Variants in NOS1 observed in about 807,000 individuals in gnomAD.
The protein encoded by NOS1 is NOS type I.
NOS1 carries 51 observed loss-of-function variants against 164.5 expected under a neutral mutation model. The observed-to-expected ratio is 0.31, with a 90% CI of 0.25 to 0.39. The LOEUF is 0.39. Ranked by LOEUF, NOS1 falls within the 10% of genes least tolerant of loss-of-function variation. NOS1 has a pLI of 1.00. For missense variants in NOS1, 1,362 were observed against 1,885.6 expected, an observed-to-expected ratio of 0.72 and a Z score of 5.14; for synonymous variants, 719 against 745.8, an observed-to-expected ratio of 0.96 and a Z score of 0.59.
At position 117,272,410 on chromosome 12, in the gene NOS1, T is replaced by C; in HGVS notation, c.1814A>G (p.Asp605Gly). 2 of 1,614,132 alleles carry C rather than the reference T, an allele frequency of 1.2e-6. No homozygotes were observed. Among genetic ancestry groups the C allele is most frequent in the Non-Finnish European group, 1.7e-6 (2 of 1,180,018 alleles). ...CTCCAGGATATTGTAGCGGGAGTTG[T>C]CACAGTAGTCGCGGACACCAATCTC... Reference protein sequence around the residue: ...GTEIGVRDYCDNSRYNILEEV... With the variant: ...GTEIGVRDYCGNSRYNILEEV... The change falls in exon 10 of 29, where the codon GAC becomes GGC. Residue 605 changes from aspartate to glycine, a missense_variant. This residue lies in a region of NOS1 where 134 missense variants were observed against 267.3 expected (regional missense o/e 0.50). Coordinates refer to ENST00000317775, the MANE Select transcript of NOS1 (RefSeq NM_000620.5). The surrounding 1 kb of genome is among the most constrained non-coding windows in gnomAD (Gnocchi z 4.3).
Position 117,276,429 on chromosome 12 carries a change from T to A in NOS1, c.1664+1530A>T, listed in dbSNP as rs902487761. Among the ~76,000 whole-genome samples the A allele has an allele frequency of 5.3e-5, 8 of 152,282 alleles. No homozygotes were observed. The East Asian group carries it at 1.5e-3, about 29-fold the overall frequency. On this transcript the variant is annotated intron_variant, in intron 9 of 28. Coordinates refer to ENST00000317775, the MANE Select transcript of NOS1 (RefSeq NM_000620.5). ...TCCCAAGTAGCTGGGATTACAGGCA[T>A]GTGCCACCATGCCCAGGGAATTTTT...
chr12:117,216,716 C>T (rs552437967), intron 28 of NOS1, among the ~76,000 whole-genome samples: 2 of 151,842 alleles, frequency 1.3e-5, no homozygotes, highest in South Asian at 4.2e-4. Flanking sequence ...TGGGCTCAAG[C>T]AATTCACCCA....
At chr12:117,322,023 T>G (rs1874960786) in intron 2 of NOS1, among the ~76,000 whole-genome samples, 1 of 120,918 alleles carries the variant, frequency 8.3e-6, no homozygotes, top group Non-Finnish European at 1.7e-5. Flanking sequence ...CCTCCCTCTC[T>G]CCTTCCTTTC....
intron 20 of NOS1, among the ~76,000 whole-genome samples, chr12:117,239,363 T>C (rs1022496065): frequency 6.6e-6 from 1 of 152,244 alleles, no homozygotes; most frequent in Non-Finnish European, 1.5e-5. Context: ...AAGTCCTGCA[T>C]TCCCCTCTTG....
At chr12:117,305,839 T>C (rs1479696915) in intron 3 of NOS1, among the ~76,000 whole-genome samples, 1 of 151,290 alleles carries the variant, frequency 6.6e-6, no homozygotes, top group African/African-American at 2.4e-5. Context: ...TTGCCTAGGC[T>C]GGAGTGCAGT....
chr12:117,208,444 C>A lies in NOS1; in HGVS notation c.*6865G>T. Reference sequence around the variant, plus strand: ...TGTGGTGAGATGCGACCAGGTCTGCCCACCTCCCCAGCTTCCCAAGCCCGG... The same window carrying A: ...TGTGGTGAGATGCGACCAGGTCTGCACACCTCCCCAGCTTCCCAAGCCCGG... On this transcript the variant is annotated 3_prime_UTR_variant, in exon 29 of 29. Coordinates refer to ENST00000317775, the MANE Select transcript of NOS1 (RefSeq NM_000620.5). 8.5e-7 allele frequency: 1 copy of A among 1,175,860 alleles called. No individual in the cohort carries two copies. The highest frequency in any genetic ancestry group is 1.1e-6 in the Non-Finnish European group (1 of 934,970). 72.8% of individuals were successfully genotyped at this position (1,175,860 alleles called of 1,614,324 possible). A position where few individuals can be genotyped will look rare whatever the true frequency, so the allele number is the denominator to read the frequency against.
rs33913257 is a variant in NOS1, at chr12:117,295,615, C to CTTT, written c.853-5192_853-5190dup. Among the ~76,000 whole-genome samples, 392 of 105,078 alleles carry CTTT rather than the reference C, an allele frequency of 3.7e-3. 9 individuals carry two copies. The highest frequency in any genetic ancestry group is 5.3e-3 in the Middle Eastern group (1 of 190). The allele number at this position is 105,078 out of a possible 152,430, so 68.9% of individuals were successfully genotyped here. A position where few individuals can be genotyped will look rare whatever the true frequency, so the allele number is the denominator to read the frequency against. ...ATGTTAGAGATCTTTCCTGATCATT[C>CTTT]TTTTTTTTTTTTTTTTTTTTGAGAC... is the stretch of plus-strand genomic sequence containing the variant. On this transcript the variant is annotated intron_variant, in intron 3 of 28. Transcript: ENST00000317775.
At chr12:117,251,109 G>A (rs1325191585) in intron 17 of NOS1, among the ~76,000 whole-genome samples, 1 of 152,150 alleles carries the variant, frequency 6.6e-6, no homozygotes, top group Non-Finnish European at 1.5e-5. Flanking sequence ...CTCTTAAGGG[G>A]CTGAAGAGAT....
At chr12:117,281,018 G>A in intron 7 of NOS1, 152 bp from the exon 8 acceptor site, 2 of 761,616 alleles carry the variant, frequency 2.6e-6, no homozygotes, top group African/African-American at 1.7e-5. Flanking sequence ...AGCAGCGGTC[G>A]GAAGGGATGG....
At chr12:117,232,793 G>C (rs1198202286) in intron 21 of NOS1, among the ~76,000 whole-genome samples, 1 of 152,048 alleles carries the variant, frequency 6.6e-6, no homozygotes, top group Non-Finnish European at 1.5e-5. Context: ...CTCCATCAGG[G>C]GTTCAATCCC....
rs763771295 is a variant in NOS1 at position 117,209,014 on chromosome 12, C to G, written c.*6295G>C. The G allele has an allele frequency of 3.9e-5, 38 of 983,320 alleles. No individual in the cohort carries two copies. The highest frequency in any genetic ancestry group is 4.1e-5 in the Non-Finnish European group (34 of 828,332). 60.9% of individuals were successfully genotyped at this position (983,320 alleles called of 1,614,324 possible). A position where few individuals can be genotyped will look rare whatever the true frequency, so the allele number is the denominator to read the frequency against. ...CTGTGATTACAGGCATGAGCCACCA[C>G]GCCTGGCCTGGGAGGGGTTTTTGAA... On this transcript the variant is annotated 3_prime_UTR_variant, in exon 29 of 29. Coordinates refer to ENST00000317775, the MANE Select transcript of NOS1 (RefSeq NM_000620.5).
intron 28 of NOS1, among the ~76,000 whole-genome samples, chr12:117,217,149 C>G (rs938892049): frequency 2.0e-5 from 3 of 152,000 alleles, no homozygotes; most frequent in Non-Finnish European, 4.4e-5. Flanking sequence ...TCTAGAGGTT[C>G]AGTGAAATTG....
Position 117,234,319 on chromosome 12 carries a change from G to A in NOS1, c.3235+246C>T, listed in dbSNP as rs1201891176. Among the ~76,000 whole-genome samples, 2 of 152,184 alleles carry A rather than the reference G, an allele frequency of 1.3e-5. No individual in the cohort carries two copies. The highest frequency in any genetic ancestry group is 2.9e-5 in the Non-Finnish European group (2 of 68,042). ...CGTGTCTAGTCAATGAAGGAAGGTA[G>A]CAGCCCCCTTTTTTCAATGGTGAGC... On this transcript the variant is annotated intron_variant, in intron 21 of 28. Coordinates refer to ENST00000317775, the MANE Select transcript of NOS1 (RefSeq NM_000620.5). This position sits in a 1 kb window ranked among gnomAD's most constrained non-coding sequence, Gnocchi z 4.3.
chr12:117,274,793 A>G (rs2136001543), intron 9 of NOS1, among the ~76,000 whole-genome samples: 1 of 139,370 alleles, frequency 7.2e-6, no homozygotes, highest in Admixed American at 7.3e-5. Context: ...AAAAAAAAAG[A>G]AAGGACATTA....
At chr12:117,352,518 T>C (rs1876671654) in intron 1 of NOS1, among the ~76,000 whole-genome samples, 1 of 152,158 alleles carries the variant, frequency 6.6e-6, no homozygotes, top group Non-Finnish European at 1.5e-5. Flanking sequence ...TCAATGCCCC[T>C]GATGTAATGA....
intron 2 of NOS1, among the ~76,000 whole-genome samples, chr12:117,313,584 C>G (rs898708055): frequency 6.6e-6 from 1 of 152,132 alleles, no homozygotes; most frequent in Non-Finnish European, 1.5e-5. Context: ...GTATGAGCCA[C>G]CATGCCCGGC....
chr12:117,320,103 G>A (rs4766843), intron 2 of NOS1, among the ~76,000 whole-genome samples: 45,068 of 152,030 alleles, frequency 0.3, 6,861 homozygotes, highest in Admixed American at 0.32. Context: ...GCCCAGGGCC[G>A]GGCCACAGCA....
chr12:117,281,180 T>A (rs921581860), intron 7 of NOS1, among the ~76,000 whole-genome samples: 2 of 152,220 alleles, frequency 1.3e-5, no homozygotes, highest in Non-Finnish European at 2.9e-5. Flanking sequence ...AAGAGTTCTT[T>A]TGCAGCCAGT....
At chr12:117,241,200 A>T (rs1870146770) in intron 20 of NOS1, among the ~76,000 whole-genome samples, 2 of 152,020 alleles carry the variant, frequency 1.3e-5, no homozygotes, top group Non-Finnish European at 2.9e-5. Context: ...GGCCTCCCAA[A>T]GTGCTGGGGT....
Sources: gnomAD v4.1 joint callset for allele counts (sites outside exome capture counted in the v4.1 genomes callset) on GRCh38, gnomAD v4.1.1 for gene constraint, gnomAD v4.1.1 regional missense constraint, Gnocchi (gnomAD v3.1) non-coding constraint, MANE v1.5 for transcripts, NCBI Gene and HGNC (gene_info 2026-07-23, HGNC 2026-07-21) for gene names.